The following COL5A2 variants were observed in gnomAD, a reference collection of about 807,000 sequenced individuals.
The protein encoded by COL5A2 is collagen type V alpha 2 chain.
In COL5A2, 23 loss-of-function variants were observed where a neutral mutation model predicts 208.2. That is an observed-to-expected ratio of 0.11 (90% CI 0.08 to 0.16). The LOEUF (loss-of-function observed/expected upper bound fraction) is 0.16. Ranked by LOEUF, COL5A2 falls within the 10% of genes least tolerant of loss-of-function variation. The probability of loss-of-function intolerance (pLI) is 1.00; values close to 1 mark genes in which losing one functional copy is unlikely to be tolerated. For missense variants in COL5A2, 1,590 were observed against 1,956.4 expected (o/e 0.81, Z 3.53); for synonymous variants, 625 against 628.5 (o/e 0.99, Z 0.08).
chr2:189,429,050 G>A, the COL5A2 span, among the ~76,000 whole-genome samples: 1 of 151,994 alleles, frequency 6.6e-6, no homozygotes, highest in Non-Finnish European at 1.5e-5. Context: ...TACAGCATAG[G>A]GACCATAATA....
chr2:189,373,737 T>C, the COL5A2 span, among the ~76,000 whole-genome samples: 4 of 152,118 alleles, frequency 2.6e-5, no homozygotes, highest in South Asian at 2.1e-4. Context: ...AAATCCAGTA[T>C]GAGAAACTTA....
intron 6 of COL5A2, among the ~76,000 whole-genome samples, chr2:189,096,734 C>G (rs1468962440): frequency 6.6e-6 from 1 of 151,848 alleles, no homozygotes; most frequent in African/African-American, 2.4e-5. Context: ...ATATAATATC[C>G]TCATGTTTTA....
the COL5A2 span, among the ~76,000 whole-genome samples, chr2:189,368,466 T>C: frequency 6.6e-6 from 1 of 152,176 alleles, no homozygotes. Context: ...AACACTAGAA[T>C]TCATCACAAA....
At chr2:189,045,668 C>A in intron 46 of COL5A2, 132 bp downstream of exon 46, 1 of 761,422 alleles carries the variant, frequency 1.3e-6, no homozygotes, top group South Asian at 1.5e-5. Flanking sequence ...TCATAATTAG[C>A]TGTTTACCAT....
intron 7 of COL5A2, among the ~76,000 whole-genome samples, chr2:189,089,630 T>A (rs1559098657): frequency 6.6e-6 from 1 of 152,194 alleles, no homozygotes; most frequent in Non-Finnish European, 1.5e-5. Flanking sequence ...ATGGCAACCC[T>A]GCACCAAGCA....
the COL5A2 span, among the ~76,000 whole-genome samples, chr2:189,273,025 A>G: frequency 2.0e-5 from 3 of 152,182 alleles, no homozygotes; most frequent in Admixed American, 2.0e-4. Flanking sequence ...TCTTTATAGT[A>G]TTCTAAGGAA....
At chr2:189,348,913 T>C in the COL5A2 span, among the ~76,000 whole-genome samples, 2 of 152,316 alleles carry the variant, frequency 1.3e-5, no homozygotes, top group East Asian at 1.9e-4. Context: ...GCCTACTGTA[T>C]TTTAGCTGTG....
chr2:189,247,541 A>G, the COL5A2 span, among the ~76,000 whole-genome samples: 2 of 151,456 alleles, frequency 1.3e-5, no homozygotes, highest in Admixed American at 1.3e-4. Flanking sequence ...AACAGATTAC[A>G]TGGCATACCA....
the COL5A2 span, among the ~76,000 whole-genome samples, chr2:189,323,809 T>G: frequency 6.6e-6 from 1 of 152,092 alleles, no homozygotes; most frequent in African/African-American, 2.4e-5. Context: ...TTCACAGAAT[T>G]GGAAAAAACT....
At chr2:189,415,286 T>C in the COL5A2 span, among the ~76,000 whole-genome samples, 1 of 152,358 alleles carries the variant, frequency 6.6e-6, no homozygotes, top group East Asian at 1.9e-4. Context: ...ATAGATAATT[T>C]AATTTTGCTT....
chr2:189,066,643 T>A (rs373949790), intron 22 of COL5A2, 86 bp downstream of exon 22: 2 of 1,353,664 alleles, frequency 1.5e-6, no homozygotes, highest in South Asian at 2.3e-5. Context: ...TAATTCTCAT[T>A]ATTATTTTAA....
intron 1 of COL5A2, among the ~76,000 whole-genome samples, chr2:189,222,935 A>T (rs1689366197): frequency 1.3e-5 from 2 of 152,282 alleles, no homozygotes; most frequent in African/African-American, 4.8e-5. Flanking sequence ...CTAGTCTCTT[A>T]CGGTGAGAAA....
At chr2:189,425,201 A>G in the COL5A2 span, among the ~76,000 whole-genome samples, 1 of 152,238 alleles carries the variant, frequency 6.6e-6, no homozygotes, top group African/African-American at 2.4e-5. Flanking sequence ...AAAAGATAAC[A>G]AAAGTTGGCA....
chr2:189,228,946 A>G (rs1689449035), upstream of COL5A2, among the ~76,000 whole-genome samples: 1 of 151,944 alleles, frequency 6.6e-6, no homozygotes. Flanking sequence ...ACAGTGTATT[A>G]AAAGGATCAC....
At chr2:189,350,076 C>G in the COL5A2 span, among the ~76,000 whole-genome samples, 2 of 151,864 alleles carry the variant, frequency 1.3e-5, no homozygotes, top group Non-Finnish European at 2.9e-5. Flanking sequence ...CTCAGTACTC[C>G]AGCAGTCACC....
At chr2:189,355,468 A>G in the COL5A2 span, among the ~76,000 whole-genome samples, 2 of 152,118 alleles carry the variant, frequency 1.3e-5, no homozygotes, top group East Asian at 3.9e-4. Flanking sequence ...GTGCTCCTGT[A>G]TTGGGTGCAC....
intron 1 of COL5A2, among the ~76,000 whole-genome samples, chr2:189,131,514 G>C (rs1018177246): frequency 6.6e-6 from 1 of 152,116 alleles, no homozygotes; most frequent in Non-Finnish European, 1.5e-5. Flanking sequence ...CAGACAATCA[G>C]GATATGTTAT....
At chr2:189,338,154 G>A in the COL5A2 span, among the ~76,000 whole-genome samples, 3 of 151,998 alleles carry the variant, frequency 2.0e-5, no homozygotes, top group African/African-American at 4.8e-5. Context: ...TTTCTCATTC[G>A]AAAATTCCCA....
intron 30 of COL5A2, among the ~76,000 whole-genome samples, chr2:189,061,270 C>T (rs575200224): frequency 1.3e-5 from 2 of 152,096 alleles, no homozygotes; most frequent in East Asian, 3.9e-4. Flanking sequence ...GTTTCATAAA[C>T]TTTGTTGAGC....
Sources: allele counts gnomAD v4.1 joint callset (sites outside exome capture counted in the v4.1 genomes callset), GRCh38; gene constraint gnomAD v4.1.1; transcripts MANE v1.5; gene names NCBI Gene and HGNC (gene_info 2026-07-23, HGNC 2026-07-21).